Variants in IL19 observed in about 807,000 individuals in gnomAD.
IL19 encodes interleukin 19, also known as interleukin-19.
Under a neutral mutation model 19.5 loss-of-function variants are expected in IL19, and 15 were observed. The ratio of observed to expected loss-of-function variants is 0.77; its 90% CI spans 0.52 to 1.19. IL19 has a LOEUF of 1.19. IL19 is among the 50% of genes most tolerant of loss of function. The pLI is 0.00. For synonymous variants in IL19, 78 were observed against 78.3 expected (o/e 1.00, Z 0.02); for missense variants, 199 against 213.1 (o/e 0.93, Z 0.41).
At chr1:206,784,119 C>T (rs1339616018) in intron 1 of IL19, among the ~76,000 whole-genome samples, 1 of 152,200 alleles carries the variant, frequency 6.6e-6, no homozygotes, top group Admixed American at 6.5e-5. Context: ...GAAAGACTGA[C>T]TGGCTCAGGC....
At chr1:206,841,900 G>A (rs982083220) in intron 6 of IL19, among the ~76,000 whole-genome samples, 1 of 152,144 alleles carries the variant, frequency 6.6e-6, no homozygotes, top group African/African-American at 2.4e-5. Context: ...ACTAAACTAA[G>A]TTCACACTGC....
rs550402465 is a variant in IL19 at position 206,810,755 on chromosome 1, C to G, written c.-3+11749C>G. ...CAAATCTCATGCTGAAATGTGATCC[C>G]CAATGCTGGAGTTGGAGGTGGGGCC... is the stretch of plus-strand genomic sequence containing the variant. On this transcript the variant is annotated intron_variant, in intron 2 of 6. Coordinates refer to ENST00000659997, the MANE Select transcript of IL19 (RefSeq NM_153758.5). Among the ~76,000 whole-genome samples the G allele has an allele frequency of 6.6e-4, 101 of 152,254 alleles. 1 individual carries two copies. In the Middle Eastern group the frequency reaches 0.01, roughly 15 times the overall value.
intron 2 of IL19, among the ~76,000 whole-genome samples, chr1:206,823,454 C>T (rs1676345585): frequency 6.6e-6 from 1 of 151,734 alleles, no homozygotes; most frequent in African/African-American, 2.4e-5. Flanking sequence ...ACTCGGGTTG[C>T]TGAGGCAGGA....
intron 2 of IL19, among the ~76,000 whole-genome samples, chr1:206,825,538 A>G (rs1255459501): frequency 6.6e-6 from 1 of 152,264 alleles, no homozygotes; most frequent in Non-Finnish European, 1.5e-5. Flanking sequence ...TTCAGTAGCC[A>G]GGATTGCCTG....
intron 4 of IL19, among the ~76,000 whole-genome samples, chr1:206,837,805 T>C (rs1676853749): frequency 6.6e-6 from 1 of 152,154 alleles, no homozygotes; most frequent in Non-Finnish European, 1.5e-5. Flanking sequence ...TGAGCCATGA[T>C]TGTGTCAATG....
At chr1:206,807,983 A>C (rs1675892840) in intron 2 of IL19, among the ~76,000 whole-genome samples, 1 of 152,266 alleles carries the variant, frequency 6.6e-6, no homozygotes, top group Non-Finnish European at 1.5e-5. Flanking sequence ...TATTTAAAAC[A>C]GTAAATAAAC....
intron 1 of IL19, among the ~76,000 whole-genome samples, chr1:206,795,977 T>C (rs1397373650): frequency 6.7e-6 from 1 of 149,908 alleles, no homozygotes; most frequent in African/African-American, 2.5e-5. Flanking sequence ...TATTATAAGG[T>C]ATAAGGTATG....
At chr1:206,810,159 T>G (rs1393635491) in intron 2 of IL19, among the ~76,000 whole-genome samples, 2 of 152,226 alleles carry the variant, frequency 1.3e-5, no homozygotes, top group Non-Finnish European at 2.9e-5. Context: ...GAAATATGTG[T>G]GAGAATAGAT....
intron 2 of IL19, among the ~76,000 whole-genome samples, chr1:206,814,997 G>A (rs185640170): frequency 6.6e-5 from 10 of 152,238 alleles, no homozygotes; most frequent in African/African-American, 2.4e-4. Flanking sequence ...ATACAATCTG[G>A]GCAGGGCTCA....
chr1:206,785,764 C>T lies in IL19; in HGVS notation c.-148-13097C>T, dbSNP rs373922270. 3.3e-5 allele frequency among the ~76,000 whole-genome samples: 5 copies of T among 152,318 alleles called. No individual in the cohort carries two copies. The South Asian group carries it at 6.2e-4, about 19-fold the overall frequency. ...CTGTCCTTTGTAAATCTCATAGACC[C>T]CCAGCTCCCAAGAACCTGAACTAAG... On this transcript the variant is annotated intron_variant, in intron 1 of 6. Coordinates refer to ENST00000659997, the MANE Select transcript of IL19 (RefSeq NM_153758.5).
intron 1 of IL19, among the ~76,000 whole-genome samples, chr1:206,789,279 TG>T (rs1380619111): frequency 6.6e-6 from 1 of 152,216 alleles, no homozygotes; most frequent in African/African-American, 2.4e-5. Flanking sequence ...ACCTTCTCAC[TG>T]AAGTTCCCTT....
chr1:206,783,397 C>A (rs1343952318), intron 1 of IL19, among the ~76,000 whole-genome samples: 2 of 152,126 alleles, frequency 1.3e-5, no homozygotes, highest in Admixed American at 1.3e-4. Flanking sequence ...ACTTTCTAAA[C>A]AGTATTATTC....
intron 1 of IL19, among the ~76,000 whole-genome samples, chr1:206,774,958 G>A (rs45555337): frequency 2.8e-4 from 42 of 152,134 alleles, no homozygotes; most frequent in Admixed American, 9.2e-4. Context: ...CATACAAAAT[G>A]TCAGGGAGAA....
At chr1:206,837,059 T>C (rs746509361) in intron 4 of IL19, 36 bp downstream of exon 4, 2 of 1,518,764 alleles carry the variant, frequency 1.3e-6, no homozygotes, top group Non-Finnish European at 9.1e-7. Flanking sequence ...AGTATTTTTA[T>C]CTTCATGTCT....
At chr1:206,801,331 T>A (rs764381262) in intron 2 of IL19, among the ~76,000 whole-genome samples, 5 of 152,162 alleles carry the variant, frequency 3.3e-5, no homozygotes, top group African/African-American at 4.8e-5. Context: ...AGATGACAGA[T>A]CTGCTCTCCA....
rs57733714 is a variant in IL19, at chr1:206,796,329, C to T, written c.-148-2532C>T. On this transcript the variant is annotated intron_variant, in intron 1 of 6. Coordinates refer to ENST00000659997, the MANE Select transcript of IL19 (RefSeq NM_153758.5). The stretch of plus-strand genomic sequence containing the variant: ...TCTCTTCCAGAAACATTCTCACAGG[C>T]ACACCCAGAAATCATGCTTAACCAG... Among the ~76,000 whole-genome samples, 57 of 152,326 alleles carry T rather than the reference C, an allele frequency of 3.7e-4. 1 individual carries two copies. In the South Asian group the frequency reaches 9.3e-3, roughly 25 times the overall value.
At chr1:206,771,511 TA>T in intron 1 of IL19, 2 of 1,060,916 alleles carry the variant, frequency 1.9e-6, no homozygotes, top group Non-Finnish European at 2.8e-6. Context: ...TTTTTTTTTT[TA>T]AATAAAATTG....
At chr1:206,773,973 T>C (rs528618519) in intron 1 of IL19, among the ~76,000 whole-genome samples, 1 of 152,324 alleles carries the variant, frequency 6.6e-6, no homozygotes, top group African/African-American at 2.4e-5. Flanking sequence ...TGAGCTTAAG[T>C]AGCCATGGAC....
intron 2 of IL19, among the ~76,000 whole-genome samples, chr1:206,834,829 G>C (rs1676730011): frequency 6.6e-6 from 1 of 152,184 alleles, no homozygotes; most frequent in African/African-American, 2.4e-5. Context: ...TGATGTCAGA[G>C]GGAAACAATG....
Sources: allele counts gnomAD v4.1 joint callset (sites outside exome capture counted in the v4.1 genomes callset), GRCh38; gene constraint gnomAD v4.1.1; transcripts MANE v1.5; gene names NCBI Gene and HGNC (gene_info 2026-07-23, HGNC 2026-07-21).